Variants in ARHGAP6 observed in about 807,000 individuals in gnomAD.
The protein encoded by ARHGAP6 is Rho GTPase activating protein 6.
In ARHGAP6, 16 loss-of-function variants were observed where a neutral mutation model predicts 55.7. That is an observed-to-expected ratio of 0.29 (90% CI 0.19 to 0.44). ARHGAP6 has a LOEUF of 0.44. Among genes scored for constraint, ARHGAP6 ranks in the 20% least tolerant of loss-of-function variants. ARHGAP6 has a pLI of 1.00. For missense variants in ARHGAP6, 698 were observed against 808.9 expected, an observed-to-expected ratio of 0.86 and a Z score of 1.66; for synonymous variants, 382 against 360.9, an observed-to-expected ratio of 1.06 and a Z score of -0.66.
chrX:11,207,190 T>C (rs1476300381), intron 2 of ARHGAP6, among the ~76,000 whole-genome samples: 2 of 101,463 alleles, frequency 2.0e-5, no homozygotes, highest in Non-Finnish European at 4.1e-5. Flanking sequence ...TATTCATTTT[T>C]TTCTTCTTCT....
chrX:11,380,277 C>T (rs1397575887), intron 1 of ARHGAP6, among the ~76,000 whole-genome samples: 2 of 111,472 alleles, frequency 1.8e-5, no homozygotes, highest in African/African-American at 6.5e-5. Flanking sequence ...CCGAGACTTC[C>T]CTTCTTAAGT....
At chrX:11,197,937 G>A (rs2046563969) in intron 2 of ARHGAP6, among the ~76,000 whole-genome samples, 1 of 111,452 alleles carries the variant, frequency 9.0e-6, no homozygotes, top group African/African-American at 3.3e-5. Context: ...GATCAAATAG[G>A]GGACATGCAG....
At chrX:11,175,224 C>T (rs1315339576) in intron 8 of ARHGAP6, among the ~76,000 whole-genome samples, 1 of 111,832 alleles carries the variant, frequency 8.9e-6, no homozygotes, top group African/African-American at 3.3e-5. Context: ...TTCCCATTGT[C>T]TCCCTCAGTA....
intron 1 of ARHGAP6, among the ~76,000 whole-genome samples, chrX:11,494,224 A>G (rs5935079): frequency 0.11 from 12,050 of 111,809 alleles, 629 homozygotes; most frequent in East Asian, 0.18. Flanking sequence ...CCTCCAACCC[A>G]GGTTGAGAAC....
At chrX:11,571,890 A>G (rs1366493502) in intron 1 of ARHGAP6, among the ~76,000 whole-genome samples, 1 of 109,008 alleles carries the variant, frequency 9.2e-6, no homozygotes, top group Non-Finnish European at 1.9e-5. Context: ...TCTCAAAAAT[A>G]AAAAATTATA....
At chrX:11,244,889 A>G (rs943409017) in intron 2 of ARHGAP6, among the ~76,000 whole-genome samples, 2 of 112,118 alleles carry the variant, frequency 1.8e-5, no homozygotes, top group Non-Finnish European at 3.8e-5. Context: ...TTGTCTGAGA[A>G]CATAAAGGAA....
intron 1 of ARHGAP6, among the ~76,000 whole-genome samples, chrX:11,529,150 G>A (rs1003149562): frequency 3.4e-4 from 38 of 111,660 alleles, no homozygotes; most frequent in Admixed American, 9.5e-5. Flanking sequence ...CATAGTAAGT[G>A]CTTGATAAAT....
intron 12 of ARHGAP6, among the ~76,000 whole-genome samples, 180 bp downstream of exon 12, chrX:11,142,053 A>G (rs1174919975): frequency 8.9e-6 from 1 of 112,188 alleles, no homozygotes; most frequent in African/African-American, 3.2e-5. Context: ...AAGGAAATGG[A>G]AAAAAATATA....
At chrX:11,183,245 AAT>A (rs1213187086) in intron 5 of ARHGAP6, among the ~76,000 whole-genome samples, 1 of 111,498 alleles carries the variant, frequency 9.0e-6, no homozygotes, top group Non-Finnish European at 1.9e-5. Flanking sequence ...AAAGATGCAA[AAT>A]ATTCTATTGT....
chrX:11,332,658 T>A (rs2147637087), intron 1 of ARHGAP6, among the ~76,000 whole-genome samples: 1 of 112,283 alleles, frequency 8.9e-6, no homozygotes, highest in African/African-American at 3.2e-5. Context: ...TATAGAGCCA[T>A]CTCCTATACT....
At chrX:11,568,267 C>A (rs61593794) in intron 1 of ARHGAP6, among the ~76,000 whole-genome samples, 28,047 of 111,274 alleles carry the variant, frequency 0.25, 2,714 homozygotes, top group Middle Eastern at 0.35. Flanking sequence ...ACAGTGGTCC[C>A]AAGTATGTTG....
At chrX:11,330,207 C>T (rs1690694609) in intron 1 of ARHGAP6, among the ~76,000 whole-genome samples, 1 of 112,759 alleles carries the variant, frequency 8.9e-6, no homozygotes, top group Non-Finnish European at 1.9e-5. Flanking sequence ...ACGAGGAAGA[C>T]ATTTGAGTTT....
chrX:11,591,171 G>A (rs1668713011), intron 1 of ARHGAP6, among the ~76,000 whole-genome samples: 2 of 108,271 alleles, frequency 1.8e-5, no homozygotes, highest in Admixed American at 2.0e-4. Context: ...CAGCCTGGGT[G>A]ACAGAGCAAG....
intron 1 of ARHGAP6, among the ~76,000 whole-genome samples, chrX:11,566,645 T>C (rs1208124455): frequency 8.9e-6 from 1 of 112,181 alleles, no homozygotes; most frequent in Non-Finnish European, 1.9e-5. Context: ...ATGAAATATA[T>C]GTAAAAGAGC....
chrX:11,337,440 C>G (rs1003855590), intron 1 of ARHGAP6, among the ~76,000 whole-genome samples: 6 of 111,764 alleles, frequency 5.4e-5, no homozygotes, highest in African/African-American at 2.0e-4. Flanking sequence ...TACTCTGTCC[C>G]ACTTTCTCCA....
At position 11,367,934 on chromosome X, in the gene ARHGAP6, G is replaced by A. The variant is rs1253567968; in HGVS notation, c.589-113227C>T. 3.5e-5 allele frequency: 8 copies of A among 225,511 alleles called. No individual in the cohort carries two copies. In the East Asian group the frequency reaches 1.2e-3, roughly 34 times the overall value. 18.6% of individuals were successfully genotyped at this position (225,511 alleles called of 1,213,427 possible). ...CCTGCACTGACCTGGAACTATCTACGTGAACTGCCTTCAACCAATTCTGCA... is the reference window on the plus strand; with the variant it reads ...CCTGCACTGACCTGGAACTATCTACATGAACTGCCTTCAACCAATTCTGCA... On this transcript the variant is annotated intron_variant, in intron 1 of 12. Coordinates refer to ENST00000337414, the MANE Select transcript of ARHGAP6 (RefSeq NM_013427.3).
At chrX:11,621,042 C>T (rs963122813) in intron 1 of ARHGAP6, among the ~76,000 whole-genome samples, 1 of 111,883 alleles carries the variant, frequency 8.9e-6, no homozygotes, top group African/African-American at 3.2e-5. Context: ...AGGGCAGGAG[C>T]TCCAAACCAT....
chrX:11,440,380 G>A (rs781162013), intron 1 of ARHGAP6, among the ~76,000 whole-genome samples: 2 of 112,278 alleles, frequency 1.8e-5, no homozygotes, highest in Non-Finnish European at 3.8e-5. Context: ...CCAAAATGCA[G>A]CCATCCTTCT....
chrX:11,340,071 G>A (rs1805083141), intron 1 of ARHGAP6, among the ~76,000 whole-genome samples: 1 of 111,964 alleles, frequency 8.9e-6, no homozygotes, highest in African/African-American at 3.3e-5. Flanking sequence ...TCAACTGGAT[G>A]GTGGCTGCAA....
Sources: allele counts gnomAD v4.1 joint callset (sites outside exome capture counted in the v4.1 genomes callset), GRCh38; gene constraint gnomAD v4.1.1; transcripts MANE v1.5; gene names NCBI Gene and HGNC (gene_info 2026-07-23, HGNC 2026-07-21).